The following HDAC9 variants were observed in gnomAD, a reference collection of about 807,000 sequenced individuals.
HDAC9 encodes histone deacetylase 9, also known as MEF-2 interacting transcription repressor (MITR) protein.
Under a neutral mutation model 139.4 loss-of-function variants are expected in HDAC9, and 41 were observed. That is an observed-to-expected ratio of 0.29 (90% CI 0.23 to 0.38). The LOEUF (loss-of-function observed/expected upper bound fraction) is 0.38. Ranked by LOEUF, HDAC9 falls within the 10% of genes least tolerant of loss-of-function variation. The pLI, the probability that HDAC9 is intolerant of heterozygous loss-of-function variation, is 1.00. For missense variants in HDAC9, 1,147 were observed against 1,297.0 expected (o/e 0.88, Z 1.78); for synonymous variants, 517 against 476.2 (o/e 1.09, Z -1.12).
In HDAC9 at chr7:18,504,516, G is replaced by A. The variant is rs1400350144; in HGVS notation, c.22+8192G>A. Among the ~76,000 whole-genome samples, 3 of 152,322 alleles carry A rather than the reference G, an allele frequency of 2.0e-5. No individual in the cohort carries two copies. The East Asian group carries it at 5.8e-4, about 29-fold the overall frequency. ...GATGGGGTTTCGCCATATTGGCCAG[G>A]CTGGTCTCGAACTCCTGACCTCAAG... On this transcript the variant is annotated intron_variant, in intron 2 of 25. Transcript: ENST00000686413.
chr7:18,178,008 C>G (rs1392192864), intron 2 of HDAC9, among the ~76,000 whole-genome samples: 1 of 152,028 alleles, frequency 6.6e-6, no homozygotes, highest in Non-Finnish European at 1.5e-5. Flanking sequence ...CGGTTCTTTT[C>G]ACCTCTAGTG....
At chr7:18,331,469 A>T (rs555445461) in intron 1 of HDAC9, among the ~76,000 whole-genome samples, 2 of 151,784 alleles carry the variant, frequency 1.3e-5, no homozygotes, top group Admixed American at 1.3e-4. Context: ...ATATAGCACT[A>T]CCTTTTATTA....
chr7:18,629,285 A>T lies in HDAC9; in HGVS notation c.665-65A>T, dbSNP rs546346802. On this transcript the variant is annotated intron_variant, in intron 6 of 25. Transcript: ENST00000686413. The stretch of plus-strand genomic sequence containing the variant: ...GTGAGACTTTTTTTTTTTTTAACAC[A>T]TGAGCAATTGGCTCTCTATTTTTTT... The T allele has an allele frequency of 2.2e-6, 3 of 1,393,432 alleles. No homozygotes were observed. In the South Asian group the frequency reaches 4.2e-5, roughly 20 times the overall value. The allele number at this position is 1,393,432 out of a possible 1,614,324, so 86.3% of individuals were successfully genotyped here. A position where few individuals can be genotyped will look rare whatever the true frequency, so the allele number is the denominator to read the frequency against.
chr7:18,949,164 G>T, intron 23 of HDAC9: 1 of 260,926 alleles, frequency 3.8e-6, no homozygotes, highest in Non-Finnish European at 7.5e-6. Context: ...AGTCTGGTTT[G>T]ATTTTTGTGC....
intron 1 of HDAC9, among the ~76,000 whole-genome samples, chr7:18,293,736 C>T (rs932307943): frequency 6.6e-6 from 1 of 151,988 alleles, no homozygotes; most frequent in African/African-American, 2.4e-5. Context: ...TGTCAGTGTC[C>T]ACTTCTTTGT....
chr7:18,649,946 C>A lies in HDAC9; in HGVS notation c.1467+1263C>A, dbSNP rs145592660. On this transcript the variant is annotated intron_variant, in intron 11 of 25. Coordinates refer to ENST00000686413, the MANE Select transcript of HDAC9 (RefSeq NM_178425.4). The stretch of plus-strand genomic sequence containing the variant: ...AACCTTTTAGTATGCATTGCAGACC[C>A]TTTCTGTGTCATTAGATAATGCCTA... Among the ~76,000 whole-genome samples the A allele has an allele frequency of 6.1e-4, 93 of 152,236 alleles. 1 individual carries two copies. Among genetic ancestry groups the A allele is most frequent in the Non-Finnish European group, 1.1e-3 (72 of 68,012 alleles).
intron 1 of HDAC9, among the ~76,000 whole-genome samples, chr7:18,159,437 C>T (rs1347620993): frequency 1.2e-4 from 19 of 152,164 alleles, no homozygotes; most frequent in Admixed American, 1.2e-3. Context: ...GTCATCAACA[C>T]ATGTTGACCA....
rs927747835 is a variant in HDAC9 at position 18,981,089 on chromosome 7, G to C, written c.3170+5136G>C. 3.3e-5 allele frequency among the ~76,000 whole-genome samples: 5 copies of C among 152,136 alleles called. No homozygotes were observed. The South Asian group carries it at 1.0e-3, about 32-fold the overall frequency. On this transcript the variant is annotated intron_variant, in intron 25 of 25. Coordinates refer to ENST00000686413, the MANE Select transcript of HDAC9 (RefSeq NM_178425.4). ...TCAGCCCACTTCTGCCTCCCAAAGT[G>C]CTGGAATTACAGGTGTGAGCCACCG...
At chr7:18,279,712 C>A (rs527490061) in intron 2 of HDAC9, among the ~76,000 whole-genome samples, 2 of 152,072 alleles carry the variant, frequency 1.3e-5, no homozygotes, top group African/African-American at 2.4e-5. Flanking sequence ...GATCCACCCC[C>A]CTCGACCCCC....
At chr7:18,406,554 C>G (rs537486637) in intron 1 of HDAC9, among the ~76,000 whole-genome samples, 1 of 151,930 alleles carries the variant, frequency 6.6e-6, no homozygotes, top group Non-Finnish European at 1.5e-5. Flanking sequence ...CCACCATGCC[C>G]GGCTAATTTT....
intron 21 of HDAC9, among the ~76,000 whole-genome samples, chr7:18,845,173 A>G (rs181643945): frequency 2.0e-5 from 3 of 152,306 alleles, no homozygotes; most frequent in African/African-American, 7.2e-5. Context: ...AAATGATTGT[A>G]TGTAGAATAA....
At chr7:18,664,408 G>A (rs1794182704) in intron 11 of HDAC9, among the ~76,000 whole-genome samples, 1 of 152,060 alleles carries the variant, frequency 6.6e-6, no homozygotes, top group Non-Finnish European at 1.5e-5. Flanking sequence ...GGTCTTATAT[G>A]TGTTTTTCCT....
chr7:18,473,094 G>A (rs1232877624), intron 1 of HDAC9, among the ~76,000 whole-genome samples: 1 of 152,164 alleles, frequency 6.6e-6, no homozygotes, highest in African/African-American at 2.4e-5. Context: ...TGAGATCACT[G>A]GCCTTGCTGA....
At chr7:18,297,317 A>C (rs1487409440) in intron 1 of HDAC9, among the ~76,000 whole-genome samples, 1 of 152,196 alleles carries the variant, frequency 6.6e-6, no homozygotes, top group African/African-American at 2.4e-5. Flanking sequence ...CTGTCTTTAC[A>C]ATATATGTTA....
At chr7:18,891,020 G>T (rs1191771033) in intron 22 of HDAC9, among the ~76,000 whole-genome samples, 1 of 152,140 alleles carries the variant, frequency 6.6e-6, no homozygotes, top group African/African-American at 2.4e-5. Flanking sequence ...GCACGTATTT[G>T]TGCGCTATAT....
At chr7:18,822,137 A>T (rs1795021028) in intron 17 of HDAC9, among the ~76,000 whole-genome samples, 1 of 152,088 alleles carries the variant, frequency 6.6e-6, no homozygotes, top group Admixed American at 6.5e-5. Flanking sequence ...CTTGATAATC[A>T]ACTCTACCTC....
At chr7:18,442,612 C>G (rs1791893015) in intron 1 of HDAC9, among the ~76,000 whole-genome samples, 1 of 152,192 alleles carries the variant, frequency 6.6e-6, no homozygotes, top group Admixed American at 6.5e-5. Flanking sequence ...CTACAGTTGT[C>G]CTCAGAGTTA....
intron 2 of HDAC9, among the ~76,000 whole-genome samples, chr7:18,221,362 C>T (rs1256686139): frequency 1.3e-5 from 2 of 152,124 alleles, no homozygotes; most frequent in African/African-American, 4.8e-5. Context: ...ACCTCAGCCT[C>T]GCAAAGTGCT....
At chr7:18,541,349 C>A (rs76658475) in intron 2 of HDAC9, among the ~76,000 whole-genome samples, 2 of 151,786 alleles carry the variant, frequency 1.3e-5, no homozygotes, top group African/African-American at 4.8e-5. Context: ...TCCAGAAGAG[C>A]GAAAGTAGCT....
Sources: allele counts gnomAD v4.1 joint callset (sites outside exome capture counted in the v4.1 genomes callset), GRCh38; gene constraint gnomAD v4.1.1; transcripts MANE v1.5; gene names NCBI Gene and HGNC (gene_info 2026-07-23, HGNC 2026-07-21).